Variants in UGP2 observed in about 807,000 individuals in gnomAD.
The protein encoded by UGP2 is UTP--glucose-1-phosphate uridylyltransferase.
UGP2 carries 40 observed loss-of-function variants against 49.0 expected under a neutral mutation model. That is an observed-to-expected ratio of 0.82 (90% CI 0.63 to 1.06). The LOEUF (loss-of-function observed/expected upper bound fraction) is 1.06. UGP2 is among the 50% of genes least tolerant of loss of function. The pLI, the probability that UGP2 is intolerant of heterozygous loss-of-function variation, is 0.00. For missense variants in UGP2, 460 were observed against 603.5 expected, an observed-to-expected ratio of 0.76 and a Z score of 2.49; for synonymous variants, 225 against 213.0, an observed-to-expected ratio of 1.06 and a Z score of -0.49.
intron 9 of UGP2, 23 bp downstream of exon 9, chr2:63,890,208 A>T: frequency 6.5e-7 from 1 of 1,543,256 alleles, no homozygotes; most frequent in Non-Finnish European, 8.9e-7. Flanking sequence ...AATGAAAATT[A>T]TATTTCTTAC....
At chr2:63,866,320 A>G (rs989171222) in intron 3 of UGP2, among the ~76,000 whole-genome samples, 1 of 152,252 alleles carries the variant, frequency 6.6e-6, no homozygotes, top group African/African-American at 2.4e-5. Context: ...GTAAAAAGTT[A>G]AAACAGTTAA....
intron 1 of UGP2, among the ~76,000 whole-genome samples, chr2:63,849,433 T>A (rs1668897547): frequency 6.6e-6 from 1 of 152,222 alleles, no homozygotes; most frequent in African/African-American, 2.4e-5. Flanking sequence ...CAGAACAACA[T>A]AGTTATATCC....
chr2:63,855,520 G>GTTTTTTTTTTTTTTTTTTTTTTTTCTTT (rs372160888), intron 1 of UGP2: 1 of 187,728 alleles, frequency 5.3e-6, no homozygotes, highest in Non-Finnish European at 1.0e-5. Context: ...TTCTTTTTCT[G>GTTTTTTTTTTTTTTTTTTTTTTTTCTTT]TTTTTTTTTT....
Position 63,885,661 on chromosome 2 carries a change from A to G in UGP2, c.648A>G (p.Glu216=). ...KDVSYSGENT[E]AWYPPGHGDI... ...TGTCTTACTCAGGGGAAAATACAGAAGCTTGGTACCCTCCAGGTCATGGTG... is the reference window on the plus strand; with the variant it reads ...TGTCTTACTCAGGGGAAAATACAGAGGCTTGGTACCCTCCAGGTCATGGTG... Residue 216 remains glutamate (E), a synonymous_variant, in exon 6 of 10, where the codon GAA becomes GAG. Transcript: ENST00000337130. The G allele has an allele frequency of 1.9e-6, 3 of 1,613,180 alleles. No individual in the cohort carries two copies. Among genetic ancestry groups the G allele is most frequent in the Non-Finnish European group, 2.5e-6 (3 of 1,179,664 alleles).
intron 9 of UGP2, 68 bp from the exon 10 acceptor site, chr2:63,891,052 G>A: frequency 8.0e-7 from 1 of 1,250,884 alleles, no homozygotes; most frequent in Non-Finnish European, 1.1e-6. Context: ...ACATAAACTT[G>A]ATCACTGTAA....
chr2:63,879,676 TA>T (rs1558957039), intron 3 of UGP2, among the ~76,000 whole-genome samples: 1 of 152,234 alleles, frequency 6.6e-6, no homozygotes, highest in African/African-American at 2.4e-5. Flanking sequence ...GGAATGTGAT[TA>T]GGGGCAGATG....
chr2:63,860,701 C>T (rs1464135289), intron 3 of UGP2, among the ~76,000 whole-genome samples: 1 of 151,806 alleles, frequency 6.6e-6, no homozygotes, highest in African/African-American at 2.4e-5. Context: ...CTCAAGGGAT[C>T]CTCCTGCCTC....
Position 63,886,508 on chromosome 2 carries a change from C to T in UGP2, c.1041C>T (p.Ala347=). The T allele has an allele frequency of 6.2e-7, 1 of 1,614,112 alleles. No homozygotes were observed. The highest frequency in any genetic ancestry group is 1.1e-5 in the South Asian group (1 of 91,076). ...AAVKRLQEQN[A]IDMEIIVNAK... ...TTAAAAGACTGCAGGAGCAAAATGC[C>T]ATTGACATGGAAATCATTGTGAATG... Residue 347 remains alanine (A), a synonymous_variant, in exon 7 of 10, where the codon GCC becomes GCT. Coordinates refer to ENST00000337130, the MANE Select transcript of UGP2 (RefSeq NM_006759.4).
chr2:63,887,236 GC>G (rs1671744425), intron 7 of UGP2, among the ~76,000 whole-genome samples, 165 bp from the exon 8 acceptor site: 1 of 151,174 alleles, frequency 6.6e-6, no homozygotes, highest in Non-Finnish European at 1.5e-5. Context: ...CTGCACTCCA[GC>G]CTGGGTGACA....
intron 1 of UGP2, among the ~76,000 whole-genome samples, chr2:63,853,448 G>A (rs1189900333): frequency 6.6e-6 from 1 of 152,028 alleles, no homozygotes; most frequent in African/African-American, 2.4e-5. Context: ...TGGATCACAA[G>A]TCATTTCCCG....
upstream of UGP2, chr2:63,841,188 C>T (rs1671509124): frequency 6.6e-6 from 1 of 151,964 alleles, no homozygotes; most frequent in Non-Finnish European, 1.5e-5. Context: ...CTTCCCGGGG[C>T]GCCATAAACG....
chr2:63,889,908 C>T (rs1671968204), intron 8 of UGP2, 173 bp from the exon 9 acceptor site: 2 of 554,198 alleles, frequency 3.6e-6, no homozygotes, highest in South Asian at 2.6e-5. Context: ...CTGGTCTTTC[C>T]TGCACGGCAT....
rs571142075 is a variant in UGP2, at chr2:63,889,983, A to C, written c.1315-98A>C. 3.3e-6 allele frequency: 3 copies of C among 896,684 alleles called. No homozygotes were observed. In the South Asian group the frequency reaches 4.6e-5, roughly 14 times the overall value. The allele number at this position is 896,684 out of a possible 1,614,324, so 55.5% of individuals were successfully genotyped here. On this transcript the variant is annotated intron_variant, in intron 8 of 9. Transcript: ENST00000337130. ...CAGAGGACCTGAGCTTTGCCAAAAA[A>C]GGTTTCTACAGTTCAGTTAAACTTT...
intron 7 of UGP2, 126 bp downstream of exon 7, chr2:63,886,664 A>C (rs1671695684): frequency 9.5e-7 from 1 of 1,051,208 alleles, no homozygotes; most frequent in Admixed American, 2.6e-5. Flanking sequence ...GCCTTTTCAG[A>C]CTCTAGTTCC....
chr2:63,886,717 C>A (rs1431503097), intron 7 of UGP2, among the ~76,000 whole-genome samples, 179 bp downstream of exon 7: 2 of 152,074 alleles, frequency 1.3e-5, no homozygotes, highest in Admixed American at 1.3e-4. Flanking sequence ...TCTAGTGTGC[C>A]AAGTTATGGT....
chr2:63,886,484 TA>T lies in UGP2; in HGVS notation c.1021del (p.Arg341AspfsTer14), dbSNP rs1290498217. 6.2e-7 allele frequency: 1 copy of T among 1,614,076 alleles called. No homozygotes were observed. Among genetic ancestry groups the T allele is most frequent in the Non-Finnish European group, 8.5e-7 (1 of 1,180,028 alleles). On this transcript the variant is annotated frameshift_variant, in exon 7 of 10. Coordinates refer to ENST00000337130, the MANE Select transcript of UGP2 (RefSeq NM_006759.4). LOFTEE classifies it high-confidence loss of function. ...ACCTATGGATTTCTCTTGCAGCAGT[TA>T]AAAGACTGCAGGAGCAAAATGCCAT... Reference protein sequence around the residue: ...NNLWISLAAVKRLQEQNAIDM... With the variant: ...NNLWISLAAVXRLQEQNAIDM...
chr2:63,857,965 G>A (rs768703312), intron 3 of UGP2, 29 bp downstream of exon 3: 12 of 1,606,352 alleles, frequency 7.5e-6, no homozygotes, highest in Non-Finnish European at 9.4e-6. Context: ...GTAGGAAAAT[G>A]TAGGGTAATC....
chr2:63,860,172 A>G (rs1669737645), intron 3 of UGP2, among the ~76,000 whole-genome samples: 2 of 152,234 alleles, frequency 1.3e-5, no homozygotes, highest in Admixed American at 6.5e-5. Flanking sequence ...ATTCCTAAGT[A>G]AAAAGAAATT....
At position 63,884,031 on chromosome 2, in the gene UGP2, CA is replaced by C; in HGVS notation, c.520del (p.Ile174TyrfsTer10). ...MNSFNTDEDT[K>X]KILQKYNHCR... ...ACTCTTTTAACACGGATGAAGATAC[CA>C]AAAAAATACTACAGAAGTACAATCA... On this transcript the variant is annotated frameshift_variant, in exon 5 of 10. Coordinates refer to ENST00000337130, the MANE Select transcript of UGP2 (RefSeq NM_006759.4). LOFTEE classifies it high-confidence loss of function. 1 of 1,612,790 alleles carries C rather than the reference CA, an allele frequency of 6.2e-7. No individual in the cohort carries two copies. Among genetic ancestry groups the C allele is most frequent in the Non-Finnish European group, 8.5e-7 (1 of 1,179,636 alleles).
Sources: allele counts gnomAD v4.1 joint callset (sites outside exome capture counted in the v4.1 genomes callset), GRCh38; gene constraint gnomAD v4.1.1; transcripts MANE v1.5; gene names NCBI Gene and HGNC (gene_info 2026-07-23, HGNC 2026-07-21).